Variants in TDRD12 observed in about 807,000 individuals in gnomAD.
TDRD12 encodes the protein putative ATP-dependent RNA helicase TDRD12.
In TDRD12, 158 loss-of-function variants were observed where a neutral mutation model predicts 133.5. That is an observed-to-expected ratio of 1.18 (90% CI 1.04 to 1.35). The LOEUF is 1.35. Among genes scored for constraint, TDRD12 ranks in the 40% most tolerant of loss-of-function variants. The probability of loss-of-function intolerance (pLI) is 0.00; values close to 1 mark genes in which losing one functional copy is unlikely to be tolerated. For synonymous variants in TDRD12, 460 were observed against 477.9 expected (o/e 0.96, Z 0.49); for missense variants, 1,443 against 1,321.3 (o/e 1.09, Z -1.43).
intron 1 of TDRD12, among the ~76,000 whole-genome samples, chr19:32,726,800 A>G (rs1001499085): frequency 2.6e-5 from 4 of 152,178 alleles, no homozygotes; most frequent in Non-Finnish European, 4.4e-5. Context: ...AGACTGAATA[A>G]TAGTCCATTC....
intron 8 of TDRD12, among the ~76,000 whole-genome samples, chr19:32,766,885 G>A (rs1211047625): frequency 6.6e-6 from 1 of 151,996 alleles, no homozygotes; most frequent in Non-Finnish European, 1.5e-5. Context: ...AAAGTGCTGG[G>A]ATTACAGGCA....
chr19:32,737,713 T>A (rs1969266956), intron 2 of TDRD12, among the ~76,000 whole-genome samples: 1 of 152,168 alleles, frequency 6.6e-6, no homozygotes, highest in African/African-American at 2.4e-5. Flanking sequence ...TTTTGAAGAC[T>A]TAGTATATGC....
At chr19:32,746,770 C>A (rs1243166321) in intron 4 of TDRD12, among the ~76,000 whole-genome samples, 5 of 140,432 alleles carry the variant, frequency 3.6e-5, no homozygotes, top group African/African-American at 1.4e-4. Flanking sequence ...GAGAGACTGG[C>A]TGATGTGGTT....
At chr19:32,810,621 C>T (rs115500153) in intron 23 of TDRD12, among the ~76,000 whole-genome samples, 28 of 152,348 alleles carry the variant, frequency 1.8e-4, no homozygotes, top group African/African-American at 6.7e-4. Context: ...CAGGTCAGCT[C>T]GATACCTGGC....
At chr19:32,721,000 G>A (rs1266497559) in intron 1 of TDRD12, among the ~76,000 whole-genome samples, 5 of 151,946 alleles carry the variant, frequency 3.3e-5, no homozygotes, top group Non-Finnish European at 5.9e-5. Context: ...CCAGGGCCCC[G>A]CTCTCCGTAC....
intron 1 of TDRD12, among the ~76,000 whole-genome samples, chr19:32,724,535 C>T (rs888826138): frequency 6.6e-6 from 1 of 152,114 alleles, no homozygotes; most frequent in Non-Finnish European, 1.5e-5. Context: ...TCATCCATGT[C>T]CCTGCAAAGG....
intron 24 of TDRD12, among the ~76,000 whole-genome samples, chr19:32,811,881 G>A (rs1159023530): frequency 1.3e-5 from 2 of 152,042 alleles, no homozygotes; most frequent in Non-Finnish European, 2.9e-5. Context: ...AAAAAACAAA[G>A]CAAATCAAAA....
chr19:32,796,157 G>C, intron 14 of TDRD12: 1 of 985,372 alleles, frequency 1.0e-6, no homozygotes, highest in Non-Finnish European at 1.2e-6. Context: ...CCTGCATCTC[G>C]GGGCCTGGCA....
intron 2 of TDRD12, among the ~76,000 whole-genome samples, chr19:32,735,143 G>C (rs1369223657): frequency 6.6e-6 from 1 of 152,158 alleles, no homozygotes; most frequent in Non-Finnish European, 1.5e-5. Flanking sequence ...ATTGAACTTA[G>C]AGGAAGACAT....
chr19:32,765,411 G>A lies in TDRD12; in HGVS notation c.866-7342G>A, dbSNP rs564822597. 6.6e-3 allele frequency among the ~76,000 whole-genome samples: 1,003 copies of A among 152,244 alleles called. 15 individuals carry two copies. The highest frequency in any genetic ancestry group is 0.034 in the Middle Eastern group (10 of 294). ...TGGGTATATACCCAAAGGATTATAA[G>A]TCATACTGCTATAAAGACACATGCA... is the stretch of plus-strand genomic sequence containing the variant. On this transcript the variant is annotated intron_variant, in intron 8 of 27. Transcript: ENST00000444215.
chr19:32,790,448 C>CT (rs1971036004), intron 11 of TDRD12, 83 bp from the exon 12 acceptor site: 4 of 1,355,064 alleles, frequency 3.0e-6, no homozygotes, highest in South Asian at 1.3e-5. Context: ...CCTGCTATCT[C>CT]TGTCAAGGAA....
intron 17 of TDRD12, 85 bp from the exon 18 acceptor site, chr19:32,800,559 T>C: frequency 8.6e-7 from 1 of 1,160,396 alleles, no homozygotes; most frequent in East Asian, 2.7e-5. Context: ...CATTCTTTTC[T>C]ATTAAAATCC....
chr19:32,788,728 A>G (rs1970981957), intron 11 of TDRD12, among the ~76,000 whole-genome samples: 1 of 152,110 alleles, frequency 6.6e-6, no homozygotes, highest in Non-Finnish European at 1.5e-5. Context: ...CTGTATTTCA[A>G]CGTAGAGGCC....
At chr19:32,768,698 C>T (rs1325789261) in intron 8 of TDRD12, among the ~76,000 whole-genome samples, 2 of 152,026 alleles carry the variant, frequency 1.3e-5, no homozygotes, top group Non-Finnish European at 2.9e-5. Context: ...TTGGATGGAG[C>T]ACATCCATAC....
At chr19:32,739,945 G>C in intron 3 of TDRD12, among the ~76,000 whole-genome samples, 1 of 136,952 alleles carries the variant, frequency 7.3e-6, no homozygotes, top group Non-Finnish European at 1.6e-5. Flanking sequence ...GGTGCTCTCT[G>C]CATCTCCTAG....
chr19:32,796,319 G>C (rs1178996271), intron 14 of TDRD12: 2 of 370,320 alleles, frequency 5.4e-6, no homozygotes, highest in African/African-American at 2.2e-5. Context: ...GCCGGGCGCA[G>C]TGGCTCATGC....
At chr19:32,774,229 T>C (rs188247341) in intron 10 of TDRD12, among the ~76,000 whole-genome samples, 8 of 152,346 alleles carry the variant, frequency 5.3e-5, no homozygotes, top group Admixed American at 3.9e-4. Flanking sequence ...TGTTGTACTT[T>C]TACATATATC....
intron 8 of TDRD12, among the ~76,000 whole-genome samples, chr19:32,765,021 T>A (rs1051258950): frequency 6.6e-6 from 1 of 151,198 alleles, no homozygotes; most frequent in Non-Finnish European, 1.5e-5. Flanking sequence ...GAATCTACAA[T>A]GAACTCAAAC....
chr19:32,797,538 G>A (rs890224044), intron 14 of TDRD12, among the ~76,000 whole-genome samples, 197 bp from the exon 15 acceptor site: 4 of 152,186 alleles, frequency 2.6e-5, no homozygotes, highest in African/African-American at 9.7e-5. Context: ...GTGCTTCATT[G>A]AGACTCAGCA....
Sources: gnomAD v4.1 joint callset for allele counts (sites outside exome capture counted in the v4.1 genomes callset) on GRCh38, gnomAD v4.1.1 for gene constraint, MANE v1.5 for transcripts, NCBI Gene and HGNC (gene_info 2026-07-23, HGNC 2026-07-21) for gene names.